Variants in MAP2K5 observed in about 807,000 individuals in gnomAD.
MAP2K5 encodes dual specificity mitogen-activated protein kinase kinase 5.
Under a neutral mutation model 83.1 loss-of-function variants are expected in MAP2K5, and 49 were observed. The observed-to-expected ratio is 0.59, with a 90% CI of 0.47 to 0.75. MAP2K5 has a LOEUF of 0.75. MAP2K5 is among the 30% of genes least tolerant of loss of function. MAP2K5 has a pLI of 0.00. For synonymous variants in MAP2K5, 202 were observed against 191.8 expected, an observed-to-expected ratio of 1.05 and a Z score of -0.44; for missense variants, 457 against 557.5, an observed-to-expected ratio of 0.82 and a Z score of 1.82.
intron 3 of MAP2K5, among the ~76,000 whole-genome samples, chr15:67,570,571 C>T (rs571467788): frequency 6.6e-6 from 1 of 152,298 alleles, no homozygotes; most frequent in Admixed American, 6.5e-5. Flanking sequence ...ACCACTGGGG[C>T]AGTTGTGTGC....
chr15:67,802,415 C>T lies in MAP2K5; in HGVS notation c.1243-4231C>T, dbSNP rs2090722535. ...GGCACCTCCCGACTCTCCCCTGTGT[C>T]CCACTTTTGGAGTCATCCTGCCTCT... On this transcript the variant is annotated intron_variant, in intron 21 of 21. Coordinates refer to ENST00000178640, the MANE Select transcript of MAP2K5 (RefSeq NM_145160.3). The surrounding 1 kb of genome is among the most constrained non-coding windows in gnomAD (Gnocchi z 5.0). Among the ~76,000 whole-genome samples, 2 of 152,344 alleles carry T rather than the reference C, an allele frequency of 1.3e-5. No individual in the cohort carries two copies. The highest frequency in any genetic ancestry group is 2.1e-4 in the South Asian group (1 of 4,830).
chr15:67,585,086 A>C (rs1266607889), intron 4 of MAP2K5, among the ~76,000 whole-genome samples: 1 of 151,756 alleles, frequency 6.6e-6, no homozygotes, highest in African/African-American at 2.4e-5. Flanking sequence ...CAAAAAAAAA[A>C]AAAAAAAAAT....
intron 11 of MAP2K5, among the ~76,000 whole-genome samples, chr15:67,653,661 T>C (rs576492001): frequency 9.2e-5 from 14 of 152,244 alleles, no homozygotes; most frequent in African/African-American, 3.4e-4. Context: ...TATTTTTTTT[T>C]CTATTCTCTG....
intron 1 of MAP2K5, chr15:67,549,217 C>G: frequency 6.5e-7 from 1 of 1,532,050 alleles, no homozygotes; most frequent in Non-Finnish European, 8.7e-7. Flanking sequence ...CGTAGGTGTT[C>G]TATGCTTATT....
rs1053432341 is a variant in MAP2K5 at position 67,760,445 on chromosome 15, A to G, written c.1135-9157A>G. Among the ~76,000 whole-genome samples the G allele has an allele frequency of 6.6e-6, 1 of 152,238 alleles. No homozygotes were observed. Among genetic ancestry groups the G allele is most frequent in the African/African-American group, 2.4e-5 (1 of 41,470 alleles). On this transcript the variant is annotated intron_variant, in intron 19 of 21. Transcript: ENST00000178640. The surrounding 1 kb of genome is among the most constrained non-coding windows in gnomAD (Gnocchi z 4.1). Reference sequence around the variant, plus strand: ...TTAGATTTTATTAACTATTGCTGAAAAAAATCTATATTTTTATTATTTCCA... The same window carrying G: ...TTAGATTTTATTAACTATTGCTGAAGAAAATCTATATTTTTATTATTTCCA...
At chr15:67,729,521 A>C (rs1232203781) in intron 17 of MAP2K5, among the ~76,000 whole-genome samples, 1 of 152,200 alleles carries the variant, frequency 6.6e-6, no homozygotes, top group Non-Finnish European at 1.5e-5. Flanking sequence ...CTGTAATCCC[A>C]GCACTTTGGG....
chr15:67,707,155 T>C (rs1596828513), intron 16 of MAP2K5, among the ~76,000 whole-genome samples: 1 of 152,212 alleles, frequency 6.6e-6, no homozygotes, highest in African/African-American at 2.4e-5. Context: ...GACCTTGTGA[T>C]CTGCCCGTCT....
rs182675606 is a variant in MAP2K5 at position 67,750,957 on chromosome 15, G to A, written c.1134+2356G>A. Reference sequence around the variant, plus strand: ...TTCAGACAAGATGGGTATATTTGGCGTCACATACAAAATAGCTATCGCAAA... The same window carrying A: ...TTCAGACAAGATGGGTATATTTGGCATCACATACAAAATAGCTATCGCAAA... On this transcript the variant is annotated intron_variant, in intron 19 of 21. Transcript: ENST00000178640. The surrounding 1 kb of genome is among the most constrained non-coding windows in gnomAD (Gnocchi z 4.2). 5.3e-5 allele frequency among the ~76,000 whole-genome samples: 8 copies of A among 152,130 alleles called. No homozygotes were observed. Among genetic ancestry groups the A allele is most frequent in the East Asian group, 1.9e-4 (1 of 5,164 alleles).
At chr15:67,614,796 T>G (rs2086017115) in intron 8 of MAP2K5, among the ~76,000 whole-genome samples, 1 of 152,114 alleles carries the variant, frequency 6.6e-6, no homozygotes, top group African/African-American at 2.4e-5. Flanking sequence ...ATAGCCGGAG[T>G]AAACAGAAAG....
chr15:67,703,412 C>T lies in MAP2K5; in HGVS notation c.1044+4C>T, dbSNP rs55855141. 9,831 of 1,610,564 alleles carry T rather than the reference C, an allele frequency of 6.1e-3. 48 individuals carry two copies. The highest frequency in any genetic ancestry group is 9.1e-3 in the South Asian group (824 of 90,986). On this transcript the variant is annotated splice_donor_region_variant and intron_variant, in intron 16 of 21. Transcript: ENST00000178640. ...CTTAGGAATCTCTTTTATGGAGGTA[C>T]GTTGTTTGCACATAGACGCTTCTGT...
At position 67,586,856 on chromosome 15, in the gene MAP2K5, G is replaced by T. The variant is rs79545497; in HGVS notation, c.374G>T (p.Arg125Leu). 1.9e-6 allele frequency: 3 copies of T among 1,614,048 alleles called. No homozygotes were observed. ...RNIHGLKVNT[R>L]AGPSQHSSPA... ...TTTCTTTACTTATAGGTGAATACTC[G>T]GGCCGGACCCTCTCAACACAGCAGC... Residue 125 changes from arginine to leucine, a missense_variant, in exon 6 of 22, where the codon CGG becomes CTG. This residue lies in a region of MAP2K5 where 234 missense variants were observed against 243.6 expected (regional missense o/e 0.96). Coordinates refer to ENST00000178640, the MANE Select transcript of MAP2K5 (RefSeq NM_145160.3).
intron 17 of MAP2K5, among the ~76,000 whole-genome samples, chr15:67,741,331 A>G (rs1418142785): frequency 6.6e-6 from 1 of 152,168 alleles, no homozygotes; most frequent in Non-Finnish European, 1.5e-5. Flanking sequence ...CATGACTGTA[A>G]AGCCTAGTCT....
chr15:67,604,901 A>G (rs1321458474), intron 8 of MAP2K5, among the ~76,000 whole-genome samples: 1 of 151,904 alleles, frequency 6.6e-6, no homozygotes, highest in Admixed American at 6.6e-5. Flanking sequence ...AATTAATAGT[A>G]TCTAGGTTGT....
intron 21 of MAP2K5, among the ~76,000 whole-genome samples, chr15:67,796,772 T>C (rs1444195241): frequency 6.6e-6 from 1 of 152,174 alleles, no homozygotes; most frequent in Non-Finnish European, 1.5e-5. Flanking sequence ...AAAAAACAAA[T>C]AGTAGCTTAA....
intron 13 of MAP2K5, among the ~76,000 whole-genome samples, chr15:67,687,733 G>A (rs990248899): frequency 1.3e-5 from 2 of 152,072 alleles, no homozygotes; most frequent in East Asian, 1.9e-4. Context: ...CTTCTGGATC[G>A]GCATGTTAGT....
chr15:67,618,375 A>G (rs1268285635), intron 8 of MAP2K5, among the ~76,000 whole-genome samples: 4 of 152,134 alleles, frequency 2.6e-5, no homozygotes, highest in East Asian at 1.9e-4. Flanking sequence ...CTGAATTTAG[A>G]GAGCCTCAGT....
chr15:67,639,081 G>A (rs1033415625), intron 9 of MAP2K5, among the ~76,000 whole-genome samples: 3 of 152,178 alleles, frequency 2.0e-5, no homozygotes, highest in Non-Finnish European at 4.4e-5. Context: ...AAGATTTCAT[G>A]ATGAAGACAC....
At chr15:67,805,654 G>T (rs1363308153) in intron 21 of MAP2K5, among the ~76,000 whole-genome samples, 1 of 152,168 alleles carries the variant, frequency 6.6e-6, no homozygotes, top group Non-Finnish European at 1.5e-5. Context: ...AGAGCTGGGG[G>T]CAGGCACATG....
chr15:67,549,107 CA>C (rs1259075655), intron 1 of MAP2K5: 4 of 1,533,508 alleles, frequency 2.6e-6, no homozygotes, highest in Non-Finnish European at 3.5e-6. Flanking sequence ...AGTTCTGCTG[CA>C]GCCTGGGAGG....
Sources: allele counts gnomAD v4.1 joint callset (sites outside exome capture counted in the v4.1 genomes callset), GRCh38; gene constraint gnomAD v4.1.1; regional missense constraint gnomAD v4.1.1; non-coding constraint Gnocchi (gnomAD v3.1); transcripts MANE v1.5; gene names NCBI Gene and HGNC (gene_info 2026-07-23, HGNC 2026-07-21).